The following MAGI2 variants were observed in gnomAD, a reference collection of about 807,000 sequenced individuals.
MAGI2 encodes the protein membrane associated guanylate kinase, WW and PDZ domain containing 2, also known as membrane-associated guanylate kinase, WW and PDZ domain-containing protein 2.
A neutral mutation model predicts 133.3 loss-of-function variants in MAGI2; 35 were observed. The ratio of observed to expected loss-of-function variants is 0.26; its 90% CI spans 0.20 to 0.35. The LOEUF is 0.35. Among genes scored for constraint, MAGI2 ranks in the 10% least tolerant of loss-of-function variants. The pLI is 1.00. For missense variants in MAGI2, 1,636 were observed against 1,863.4 expected (o/e 0.88, Z 2.25); for synonymous variants, 729 against 710.6 (o/e 1.03, Z -0.41).
intron 11 of MAGI2, among the ~76,000 whole-genome samples, chr7:78,200,780 A>G (rs1320357819): frequency 6.6e-6 from 1 of 152,146 alleles, no homozygotes; most frequent in African/African-American, 2.4e-5. Flanking sequence ...ACTAGATTTA[A>G]TTTGCAGGTC....
intron 10 of MAGI2, among the ~76,000 whole-genome samples, chr7:78,242,953 T>C (rs1791312532): frequency 6.6e-6 from 1 of 152,022 alleles, no homozygotes; most frequent in Non-Finnish European, 1.5e-5. Flanking sequence ...ATGCCTGTGG[T>C]CCCAGCTACT....
chr7:78,207,855 C>A (rs915666064), intron 10 of MAGI2, among the ~76,000 whole-genome samples: 4 of 152,080 alleles, frequency 2.6e-5, no homozygotes, highest in Admixed American at 2.0e-4. Context: ...CTTTGACCTG[C>A]AGAATCCATT....
At chr7:78,573,329 TATAA>T (rs1801889606) in intron 3 of MAGI2, among the ~76,000 whole-genome samples, 3 of 73,128 alleles carry the variant, frequency 4.1e-5, no homozygotes, top group Non-Finnish European at 6.9e-5. Flanking sequence ...TAAATATATA[TATAA>T]ATATATATAT....
chr7:79,274,987 A>G (rs189492822), intron 1 of MAGI2, among the ~76,000 whole-genome samples: 75 of 152,280 alleles, frequency 4.9e-4, no homozygotes, highest in African/African-American at 1.7e-3. Context: ...CTGACCAACC[A>G]CTTTTTCCTC....
chr7:79,101,152 T>C (rs1182401671), intron 1 of MAGI2, among the ~76,000 whole-genome samples: 3 of 151,972 alleles, frequency 2.0e-5, no homozygotes, highest in East Asian at 1.9e-4. Context: ...ATTTAGAAAA[T>C]GAATATAAGT....
At chr7:78,226,984 T>G (rs1327391360) in intron 10 of MAGI2, among the ~76,000 whole-genome samples, 1 of 152,210 alleles carries the variant, frequency 6.6e-6, no homozygotes, top group African/African-American at 2.4e-5. Context: ...GATTTTAGTT[T>G]GATTATAGAT....
intron 3 of MAGI2, among the ~76,000 whole-genome samples, chr7:78,582,397 C>T (rs962078369): frequency 2.0e-5 from 3 of 152,068 alleles, no homozygotes; most frequent in Admixed American, 6.5e-5. Context: ...AATTGTTATG[C>T]AATATAAAAG....
intron 9 of MAGI2, among the ~76,000 whole-genome samples, chr7:78,287,319 A>G (rs1365254173): frequency 6.6e-6 from 1 of 152,188 alleles, no homozygotes; most frequent in Non-Finnish European, 1.5e-5. Flanking sequence ...TTAAGGTTCT[A>G]GCTTGGGAAA....
At chr7:78,984,352 C>T (rs1805054253) in intron 2 of MAGI2, among the ~76,000 whole-genome samples, 1 of 151,892 alleles carries the variant, frequency 6.6e-6, no homozygotes, top group Non-Finnish European at 1.5e-5. Flanking sequence ...TGTTCAAAAC[C>T]ATCCATCTCA....
chr7:79,446,526 G>C (rs1848864466), intron 1 of MAGI2, among the ~76,000 whole-genome samples: 1 of 151,932 alleles, frequency 6.6e-6, no homozygotes, highest in African/African-American at 2.4e-5. Context: ...ACCTCATAAG[G>C]ATTCATGTAA....
intron 2 of MAGI2, among the ~76,000 whole-genome samples, chr7:78,639,273 T>C (rs919782074): frequency 6.6e-5 from 10 of 152,172 alleles, no homozygotes; most frequent in African/African-American, 1.9e-4. Context: ...CAGTTAACTA[T>C]CCAGGGATTT....
At chr7:78,860,833 C>A (rs1158465516) in intron 2 of MAGI2, among the ~76,000 whole-genome samples, 1 of 152,178 alleles carries the variant, frequency 6.6e-6, no homozygotes, top group Non-Finnish European at 1.5e-5. Flanking sequence ...CTATGCCCTG[C>A]CCCCAGAGAT....
At chr7:79,379,118 C>A (rs1247758665) in intron 1 of MAGI2, among the ~76,000 whole-genome samples, 6 of 133,494 alleles carry the variant, frequency 4.5e-5, no homozygotes, top group Non-Finnish European at 7.9e-5. Flanking sequence ...TCCTCCCCCC[C>A]ACCCCACAAT....
At chr7:79,058,480 A>G (rs1813377812) in intron 1 of MAGI2, among the ~76,000 whole-genome samples, 2 of 152,164 alleles carry the variant, frequency 1.3e-5, no homozygotes, top group South Asian at 2.1e-4. Flanking sequence ...TTGAGAAAGC[A>G]TCAAAGGTAG....
chr7:78,604,246 A>G (rs1805546118), intron 3 of MAGI2, among the ~76,000 whole-genome samples: 1 of 152,204 alleles, frequency 6.6e-6, no homozygotes, highest in South Asian at 2.1e-4. Context: ...AGTAGGTAGG[A>G]TGGCCCTGAG....
chr7:78,775,200 C>A (rs374400388), intron 2 of MAGI2, among the ~76,000 whole-genome samples: 39 of 151,682 alleles, frequency 2.6e-4, no homozygotes, highest in African/African-American at 8.5e-4. Context: ...GTAGTCCCAG[C>A]TACTCGGGAG....
intron 6 of MAGI2, among the ~76,000 whole-genome samples, chr7:78,462,883 A>G (rs1337143440): frequency 1.3e-5 from 2 of 152,284 alleles, no homozygotes; most frequent in African/African-American, 4.8e-5. Context: ...GGCAGAATTC[A>G]CAACTTAACA....
Position 78,084,042 on chromosome 7 carries a change from G to A in MAGI2, c.3568-4957C>T, listed in dbSNP as rs185834047. 3.5e-3 allele frequency among the ~76,000 whole-genome samples: 540 copies of A among 152,286 alleles called. 1 individual carries two copies. Among genetic ancestry groups the A allele is most frequent in the Admixed American group, 5.4e-3 (83 of 15,304 alleles). ...CAGCTCAAAGGGTTGCTTGGACATC[G>A]TTACAAACGTGCTTACCTGGTTGTA... On this transcript the variant is annotated intron_variant, in intron 20 of 21. Transcript: ENST00000354212.
intron 1 of MAGI2, among the ~76,000 whole-genome samples, chr7:79,307,171 G>C (rs1837894142): frequency 6.6e-6 from 1 of 152,138 alleles, no homozygotes; most frequent in African/African-American, 2.4e-5. Context: ...TGAGGAGTTA[G>C]TGACAAGTGT....
Sources: gnomAD v4.1 joint callset for allele counts (sites outside exome capture counted in the v4.1 genomes callset) on GRCh38, gnomAD v4.1.1 for gene constraint, MANE v1.5 for transcripts, NCBI Gene and HGNC (gene_info 2026-07-23, HGNC 2026-07-21) for gene names.